TTF2: variants seen among roughly 807,000 people sequenced by gnomAD.
TTF2 encodes transcription termination factor 2, also known as RNA polymerase II termination factor.
A neutral mutation model predicts 142.4 loss-of-function variants in TTF2; 108 were observed. The observed-to-expected ratio is 0.76, with a 90% CI of 0.65 to 0.89. The LOEUF is 0.89. Among genes scored for constraint, TTF2 ranks in the 40% least tolerant of loss-of-function variants. The pLI is 0.00. For missense variants in TTF2, 1,327 were observed against 1,379.8 expected (o/e 0.96, Z 0.61); for synonymous variants, 483 against 506.2 (o/e 0.95, Z 0.61).
At chr1:117,072,169 T>A (rs1656629892) in intron 3 of TTF2, among the ~76,000 whole-genome samples, 1 of 152,200 alleles carries the variant, frequency 6.6e-6, no homozygotes, top group Admixed American at 6.5e-5. Flanking sequence ...TGTTTGTGTG[T>A]GCAGGAACTT....
Position 117,091,840 on chromosome 1 carries a change from G to A in TTF2, c.2695G>A (p.Glu899Lys), listed in dbSNP as rs774368685. The A allele has an allele frequency of 1.2e-6, 2 of 1,613,358 alleles. No homozygotes were observed. Among genetic ancestry groups the A allele is most frequent in the Non-Finnish European group, 1.7e-6 (2 of 1,179,746 alleles). The part of the protein sequence containing the change: ...SRVALEFGSE[E>K]PRHSEAADSP... ...AGTGGCACTGGAGTTTGGGTCTGAGGAGCCTAGACACTCGGAGGCAGCAGA... is the reference window on the plus strand; with the variant it reads ...AGTGGCACTGGAGTTTGGGTCTGAGAAGCCTAGACACTCGGAGGCAGCAGA... The change falls in exon 17 of 23, where the codon GAG becomes AAG. Residue 899 changes from glutamate to lysine, a missense_variant. Physicochemically the swap from Glu to Lys is moderately conservative, Grantham distance 56 (BLOSUM62 1). Transcript: ENST00000369466.
At position 117,076,796 on chromosome 1, in the gene TTF2, G is replaced by A; in HGVS notation, c.1546G>A (p.Ala516Thr). Residue 516 changes from alanine to threonine, a missense_variant, in exon 7 of 23, where the codon GCT (alanine) becomes ACT (threonine). Coordinates refer to ENST00000369466, the MANE Select transcript of TTF2 (RefSeq NM_003594.4). The surrounding 1 kb of genome is among the most constrained non-coding windows in gnomAD (Gnocchi z 4.6). ...ACTAAAGTCTGCCTGCCAGGTGACT[G>A]CTGGAGGATCCAGTCAGTGCTATCG... The part of the protein sequence containing the change: ...LELKSACQVT[A>T]GGSSQCYRGH... The A allele has an allele frequency of 1.2e-6, 2 of 1,613,762 alleles. No homozygotes were observed. The highest frequency in any genetic ancestry group is 1.7e-6 in the Non-Finnish European group (2 of 1,179,818).
At chr1:117,094,317 T>G (rs1648894602) in intron 18 of TTF2, among the ~76,000 whole-genome samples, 1 of 152,180 alleles carries the variant, frequency 6.6e-6, no homozygotes, top group South Asian at 2.1e-4. Context: ...TCTGTATATT[T>G]GTCTCCTGAT....
Position 117,090,435 on chromosome 1 carries a change from G to A in TTF2, c.2497-97G>A. ...AGAAAGGGTGGAAGCTGCATTCCAG[G>A]GTTGACTAGATATGCAGTGTCAGTA... On this transcript the variant is annotated intron_variant, in intron 14 of 22. Transcript: ENST00000369466. The surrounding 1 kb of genome is among the most constrained non-coding windows in gnomAD (Gnocchi z 4.8). The A allele has an allele frequency of 7.9e-7, 1 of 1,260,274 alleles. No individual in the cohort carries two copies. Among genetic ancestry groups the A allele is most frequent in the Non-Finnish European group, 1.1e-6 (1 of 884,170 alleles). 78.1% of individuals were successfully genotyped at this position (1,260,274 alleles called of 1,614,324 possible). A position where few individuals can be genotyped will look rare whatever the true frequency, so the allele number is the denominator to read the frequency against.
chr1:117,073,932 C>G lies in TTF2; in HGVS notation c.285+205C>G, dbSNP rs1488020881. Among the ~76,000 whole-genome samples, 1 of 152,154 alleles carries G rather than the reference C, an allele frequency of 6.6e-6. No individual in the cohort carries two copies. The highest frequency in any genetic ancestry group is 1.5e-5 in the Non-Finnish European group (1 of 68,034). ...CGTAATCAAGATTAATTATTTGCAT[C>G]CTATTTCACTTAGTAAATATTTTTT... On this transcript the variant is annotated intron_variant, in intron 4 of 22. Coordinates refer to ENST00000369466, the MANE Select transcript of TTF2 (RefSeq NM_003594.4). This position sits in a 1 kb window ranked among gnomAD's most constrained non-coding sequence, Gnocchi z 4.4.
At position 117,086,325 on chromosome 1, in the gene TTF2, T is replaced by C; in HGVS notation, c.2055-92T>C. The C allele has an allele frequency of 1.2e-6, 1 of 857,066 alleles. No homozygotes were observed. The highest frequency in any genetic ancestry group is 1.9e-6 in the Non-Finnish European group (1 of 520,950). 53.1% of individuals were successfully genotyped at this position (857,066 alleles called of 1,614,324 possible). On this transcript the variant is annotated intron_variant, in intron 11 of 22. Coordinates refer to ENST00000369466, the MANE Select transcript of TTF2 (RefSeq NM_003594.4). This position sits in a 1 kb window ranked among gnomAD's most constrained non-coding sequence, Gnocchi z 4.2. Reference sequence around the variant, plus strand: ...GAGTTCTGCTGTTTGTCCTTCCATTTGTAGGCATTTTTATTGAAAGATCAA... The same window carrying C: ...GAGTTCTGCTGTTTGTCCTTCCATTCGTAGGCATTTTTATTGAAAGATCAA...
At chr1:117,067,526 A>T (rs1383910037) in intron 3 of TTF2, among the ~76,000 whole-genome samples, 1 of 126,264 alleles carries the variant, frequency 7.9e-6, no homozygotes. Context: ...CTCAGTCTCA[A>T]AAAAAAAAAA....
In TTF2 at chr1:117,060,380, G is replaced by A. The variant is rs1294006424; in HGVS notation, c.28+6G>A. 2 of 1,608,068 alleles carry A rather than the reference G, an allele frequency of 1.2e-6. No homozygotes were observed. The highest frequency in any genetic ancestry group is 1.7e-6 in the Non-Finnish European group (2 of 1,176,476). Reference sequence around the variant, plus strand: ...AGTTAGGTGTCCAGAGCACGGTAAGGGGCTAGGGTCTCAGCGTCCCGGGGC... The same window carrying A: ...AGTTAGGTGTCCAGAGCACGGTAAGAGGCTAGGGTCTCAGCGTCCCGGGGC... On this transcript the variant is annotated splice_donor_region_variant and intron_variant, in intron 1 of 22. Transcript: ENST00000369466.
intron 9 of TTF2, among the ~76,000 whole-genome samples, chr1:117,081,473 T>A (rs1180635396): frequency 6.6e-6 from 1 of 152,246 alleles, no homozygotes; most frequent in Non-Finnish European, 1.5e-5. Context: ...ATATATCTAC[T>A]GGACATTTTT....
rs1289673 is a variant in TTF2 at position 117,075,445 on chromosome 1, C to T, written c.861C>T (p.Asn287=). 933,031 of 1,613,870 alleles carry T rather than the reference C, an allele frequency of 0.58. 277,414 individuals carry two copies. The highest frequency in any genetic ancestry group is 0.72 in the East Asian group (32,434 of 44,836). The change falls in exon 5 of 23, where the codon AAC becomes AAT. Residue 287 remains asparagine (N), a synonymous_variant. Coordinates refer to ENST00000369466, the MANE Select transcript of TTF2 (RefSeq NM_003594.4). The surrounding 1 kb of genome is among the most constrained non-coding windows in gnomAD (Gnocchi z 4.5). ...KGGPLNKEYT[N]WEAKETKAKD... is the part of the protein sequence containing the mutation. ...GACCCCTCAACAAGGAGTACACGAACTGGGAGGCTAAAGAAACAAAGGCAA... is the reference window on the plus strand; with the variant it reads ...GACCCCTCAACAAGGAGTACACGAATTGGGAGGCTAAAGAAACAAAGGCAA...
intron 12 of TTF2, among the ~76,000 whole-genome samples, 163 bp from the exon 13 acceptor site, chr1:117,088,638 G>A (rs1301808859): frequency 6.6e-6 from 1 of 152,130 alleles, no homozygotes; most frequent in African/African-American, 2.4e-5. Flanking sequence ...CAGTTGAGAC[G>A]TTTTACTCTT....
rs763073146 is a variant in TTF2, at chr1:117,086,435, C to T, written c.2073C>T (p.Ile691=). 17 of 1,613,770 alleles carry T rather than the reference C, an allele frequency of 1.1e-5. No individual in the cohort carries two copies. The highest frequency in any genetic ancestry group is 1.6e-4 in the Middle Eastern group (1 of 6,084). ...TACGCAGCCTCTCTACATATGACAT[C>T]GTGATCACTACCTATAGCCTCGTGG... is the stretch of plus-strand genomic sequence containing the variant. The part of the protein sequence containing the change: ...SRARVLSTYD[I]VITTYSLVAK... Residue 691 remains isoleucine, a synonymous_variant, in exon 12 of 23, where the codon ATC becomes ATT. Transcript: ENST00000369466. This position sits in a 1 kb window ranked among gnomAD's most constrained non-coding sequence, Gnocchi z 4.2.
At position 117,072,893 on chromosome 1, in the gene TTF2, G is replaced by A. The variant is rs141598891; in HGVS notation, c.219-768G>A. Among the ~76,000 whole-genome samples the A allele has an allele frequency of 5.6e-3, 847 of 152,218 alleles. 6 individuals are homozygous for A. The highest frequency in any genetic ancestry group is 0.019 in the African/African-American group (800 of 41,526). On this transcript the variant is annotated intron_variant, in intron 3 of 22. Coordinates refer to ENST00000369466, the MANE Select transcript of TTF2 (RefSeq NM_003594.4). ...GGCCCCTGAGTAGAGGGGACTATAG[G>A]TGTGTGCCACTGCATCCAGCTGCAC...
At chr1:117,071,682 T>A (rs1656591724) in intron 3 of TTF2, among the ~76,000 whole-genome samples, 1 of 152,178 alleles carries the variant, frequency 6.6e-6, no homozygotes, top group South Asian at 2.1e-4. Flanking sequence ...TTTGAGGAGT[T>A]ATTTTAGGTA....
rs1458029695 is a variant in TTF2, at chr1:117,076,816, C to T, written c.1566C>T (p.Cys522=). 1.2e-6 allele frequency: 2 copies of T among 1,612,114 alleles called. No individual in the cohort carries two copies. Among genetic ancestry groups the T allele is most frequent in the East Asian group, 2.2e-5 (1 of 44,866 alleles). The change falls in exon 7 of 23, where the codon TGC becomes TGT. Residue 522 remains cysteine, a synonymous_variant. Coordinates refer to ENST00000369466, the MANE Select transcript of TTF2 (RefSeq NM_003594.4). The surrounding 1 kb of genome is among the most constrained non-coding windows in gnomAD (Gnocchi z 4.6). Reference sequence around the variant, plus strand: ...TGACTGCTGGAGGATCCAGTCAGTGCTATCGAGGTAAGACCCAAGGGCCTG... The same window carrying T: ...TGACTGCTGGAGGATCCAGTCAGTGTTATCGAGGTAAGACCCAAGGGCCTG... ...CQVTAGGSSQ[C]YRGHTNQDHV...
chr1:117,091,432 A>G, intron 16 of TTF2, 22 bp downstream of exon 16: 1 of 1,591,372 alleles, frequency 6.3e-7, no homozygotes, highest in Non-Finnish European at 8.5e-7. Context: ...GACTCTCATA[A>G]ATACATATGA....
In TTF2 at chr1:117,073,541, G is replaced by C; in HGVS notation, c.219-120G>C. The C allele has an allele frequency of 1.2e-6, 1 of 869,226 alleles. No individual in the cohort carries two copies. The highest frequency in any genetic ancestry group is 1.7e-6 in the Non-Finnish European group (1 of 581,118). The allele number at this position is 869,226 out of a possible 1,614,324, so 53.8% of individuals were successfully genotyped here. On this transcript the variant is annotated intron_variant, in intron 3 of 22. Coordinates refer to ENST00000369466, the MANE Select transcript of TTF2 (RefSeq NM_003594.4). The surrounding 1 kb of genome is among the most constrained non-coding windows in gnomAD (Gnocchi z 4.4). ...TGTATATAAAAGTAATTGGTTTCAA[G>C]TGACCTCCCAAAGCCAGGTTCAAAT...
intron 3 of TTF2, among the ~76,000 whole-genome samples, chr1:117,072,426 T>G (rs1456647951): frequency 6.9e-6 from 1 of 144,902 alleles, no homozygotes; most frequent in African/African-American, 2.6e-5. Context: ...TACGGACTTT[T>G]TTTTTTTTTT....
chr1:117,060,544 G>C lies in TTF2; in HGVS notation c.118G>C (p.Val40Leu). ...GTGCCGGGCAGACACGTGCAGCTTCGTGCGGGCCACCGAGTAGGTCTGGAG... is the reference window on the plus strand; with the variant it reads ...GTGCCGGGCAGACACGTGCAGCTTCCTGCGGGCCACCGAGTAGGTCTGGAG... ...YVCRADTCSFVRATDIPVSHC... is the reference protein window; with the variant it reads ...YVCRADTCSFLRATDIPVSHC... Residue 40 changes from valine (V) to leucine (L), a missense_variant, in exon 2 of 23, where the codon GTG becomes CTG. Coordinates refer to ENST00000369466, the MANE Select transcript of TTF2 (RefSeq NM_003594.4). 1 of 1,611,122 alleles carries C rather than the reference G, an allele frequency of 6.2e-7. No homozygotes were observed.
Sources: allele counts gnomAD v4.1 joint callset (sites outside exome capture counted in the v4.1 genomes callset), GRCh38; gene constraint gnomAD v4.1.1; non-coding constraint Gnocchi (gnomAD v3.1); transcripts MANE v1.5; gene names NCBI Gene and HGNC (gene_info 2026-07-23, HGNC 2026-07-21).